Variants in PLAC8 observed in about 807,000 individuals in gnomAD.
PLAC8 encodes placenta associated 8, also known as placenta-specific gene 8 protein.
A neutral mutation model predicts 12.6 loss-of-function variants in PLAC8; 6 were observed. The observed-to-expected ratio is 0.48, with a 90% confidence interval of 0.26 to 0.94. The LOEUF is 0.94. PLAC8 is among the 40% of genes least tolerant of loss of function. PLAC8 has a pLI of 0.14. For synonymous variants in PLAC8, 54 were observed against 52.6 expected, an observed-to-expected ratio of 1.03 and a Z score of -0.11; for missense variants, 122 against 152.7, an observed-to-expected ratio of 0.80 and a Z score of 1.06.
At chr4:83,109,143 TTAAC>T (rs1732340679) in intron 1 of PLAC8, among the ~76,000 whole-genome samples, 1 of 152,236 alleles carries the variant, frequency 6.6e-6, no homozygotes, top group Admixed American at 6.5e-5. Flanking sequence ...GACTCATCAT[TTAAC>T]TAGCCGTTTA....
intron 2 of PLAC8, among the ~76,000 whole-genome samples, chr4:83,107,248 G>T (rs917256967): frequency 3.3e-5 from 5 of 150,534 alleles, no homozygotes; most frequent in Admixed American, 6.6e-5. Flanking sequence ...AGCAGTCAGA[G>T]ATTTTTTTTC....
intron 2 of PLAC8, among the ~76,000 whole-genome samples, chr4:83,106,974 C>T (rs1232316517): frequency 1.3e-5 from 2 of 152,110 alleles, no homozygotes; most frequent in African/African-American, 2.4e-5. Flanking sequence ...CTCAGGCAGG[C>T]GGATCACCTG....
intron 1 of PLAC8, among the ~76,000 whole-genome samples, chr4:83,113,215 C>T (rs1732463398): frequency 6.6e-6 from 1 of 152,224 alleles, no homozygotes; most frequent in Non-Finnish European, 1.5e-5. Context: ...TGGCCCTTCT[C>T]ACAGACACGG....
At chr4:83,112,187 T>C (rs530794117) in intron 1 of PLAC8, among the ~76,000 whole-genome samples, 3 of 94,332 alleles carry the variant, frequency 3.2e-5, no homozygotes, top group African/African-American at 1.1e-4. Context: ...AAAAAAAAAA[T>C]TTATATATAT....
At chr4:83,111,556 CT>C (rs917454532) in intron 1 of PLAC8, among the ~76,000 whole-genome samples, 3 of 152,026 alleles carry the variant, frequency 2.0e-5, no homozygotes, top group Non-Finnish European at 2.9e-5. Context: ...TTTTTTCCCT[CT>C]TGGCCCTTAG....
At chr4:83,098,737 T>G (rs1414338256) in intron 3 of PLAC8, among the ~76,000 whole-genome samples, 4 of 1,470 alleles carry the variant, frequency 2.7e-3, no homozygotes, top group African/African-American at 6.0e-3. Flanking sequence ...GAATAAAGGT[T>G]TTTTTTTTTT....
intron 3 of PLAC8, among the ~76,000 whole-genome samples, chr4:83,098,149 G>A (rs1482628163): frequency 6.6e-6 from 1 of 152,144 alleles, no homozygotes; most frequent in Non-Finnish European, 1.5e-5. Context: ...GAGCCACCGC[G>A]CCGGGCCTGA....
intron 1 of PLAC8, among the ~76,000 whole-genome samples, chr4:83,109,351 G>A (rs1000196018): frequency 6.6e-6 from 1 of 152,148 alleles, no homozygotes; most frequent in African/African-American, 2.4e-5. Context: ...TTTTAAAAAT[G>A]TACCATAATA....
chr4:83,105,118 G>T, intron 2 of PLAC8, 98 bp from the exon 3 acceptor site: 3 of 1,389,678 alleles, frequency 2.2e-6, no homozygotes, highest in Non-Finnish European at 2.0e-6. Context: ...GAGTCATGGG[G>T]CCTTGGCCGC....
chr4:83,104,763 G>T, intron 3 of PLAC8, 133 bp downstream of exon 3: 2 of 956,956 alleles, frequency 2.1e-6, no homozygotes, highest in South Asian at 2.9e-5. Flanking sequence ...ACAACTGAAT[G>T]CAAGATTGCA....
chr4:83,107,753 T>A (rs746322793), intron 2 of PLAC8, 51 bp downstream of exon 2: 12 of 1,089,678 alleles, frequency 1.1e-5, no homozygotes, highest in Non-Finnish European at 5.4e-6. Context: ...ATTGAGTCAT[T>A]GGTAATTCAC....
chr4:83,097,702 A>T (rs1731975600), intron 3 of PLAC8, among the ~76,000 whole-genome samples: 1 of 152,208 alleles, frequency 6.6e-6, no homozygotes, highest in Non-Finnish European at 1.5e-5. Context: ...CTAAAAATAA[A>T]AGTTGCTAAG....
At chr4:83,108,711 C>A (rs1387349624) in intron 1 of PLAC8, among the ~76,000 whole-genome samples, 1 of 152,140 alleles carries the variant, frequency 6.6e-6, no homozygotes, top group African/African-American at 2.4e-5. Flanking sequence ...TAGACAGGTA[C>A]CTGGTATTCA....
intron 3 of PLAC8, among the ~76,000 whole-genome samples, chr4:83,099,911 C>G (rs1476418760): frequency 1.3e-5 from 2 of 151,080 alleles, no homozygotes; most frequent in Non-Finnish European, 2.9e-5. Context: ...GAGGCTGAGG[C>G]AGGAAAATTG....
At chr4:83,102,722 T>C (rs531208692) in intron 3 of PLAC8, among the ~76,000 whole-genome samples, 5 of 152,186 alleles carry the variant, frequency 3.3e-5, no homozygotes, top group African/African-American at 1.2e-4. Flanking sequence ...AAATGGATCC[T>C]AAAGATGTCA....
chr4:83,111,814 G>T (rs1732428927), intron 1 of PLAC8, among the ~76,000 whole-genome samples: 1 of 152,150 alleles, frequency 6.6e-6, no homozygotes, highest in Non-Finnish European at 1.5e-5. Flanking sequence ...ATTGGCTAAT[G>T]TTAGACTTCA....
chr4:83,096,464 A>C (rs1473312636), intron 3 of PLAC8, among the ~76,000 whole-genome samples: 1 of 152,250 alleles, frequency 6.6e-6, no homozygotes, highest in East Asian at 1.9e-4. Flanking sequence ...AAATTAAAAC[A>C]ATTTTAAATG....
intron 2 of PLAC8, among the ~76,000 whole-genome samples, chr4:83,105,816 T>C (rs1024371130): frequency 1.3e-5 from 2 of 152,182 alleles, no homozygotes; most frequent in African/African-American, 4.8e-5. Flanking sequence ...AAAATGTTCA[T>C]CTTTAGAGAG....
Position 83,104,938 on chromosome 4 carries a change from G to A in PLAC8, c.201C>T (p.Ser67=), listed in dbSNP as rs760136835. The A allele has an allele frequency of 3.1e-6, 5 of 1,613,886 alleles. No individual in the cohort carries two copies. The highest frequency in any genetic ancestry group is 2.2e-5 in the East Asian group (1 of 44,902). ...DMNECCLCGT[S]VAMRTLYRTR... ...TCCTGTAGAGAGTCCTCATTGCGACGCTTGTTCCACACAGACAGCATTCAT... is the reference window on the plus strand; with the variant it reads ...TCCTGTAGAGAGTCCTCATTGCGACACTTGTTCCACACAGACAGCATTCAT... Residue 67 remains serine, a synonymous_variant, in exon 3 of 5, where the codon AGC becomes AGT. Coordinates refer to ENST00000311507, the MANE Select transcript of PLAC8 (RefSeq NM_016619.3).
Sources: allele counts gnomAD v4.1 joint callset (sites outside exome capture counted in the v4.1 genomes callset), GRCh38; gene constraint gnomAD v4.1.1; transcripts MANE v1.5; gene names NCBI Gene and HGNC (gene_info 2026-07-23, HGNC 2026-07-21).